The following PER2 variants were observed in gnomAD, a reference collection of about 807,000 sequenced individuals.
PER2 encodes the protein period circadian regulator 2.
In PER2, 66 loss-of-function variants were observed where a neutral mutation model predicts 121.0. The observed-to-expected ratio is 0.55, with a 90% CI of 0.45 to 0.67. The LOEUF (loss-of-function observed/expected upper bound fraction) is 0.67, where lower values mean the gene tolerates loss of function less well. Ranked by LOEUF, PER2 falls within the 30% of genes least tolerant of loss-of-function variation. The pLI, the probability that PER2 is intolerant of heterozygous loss-of-function variation, is 0.00. For missense variants in PER2, 1,521 were observed against 1,635.0 expected, an observed-to-expected ratio of 0.93 and a Z score of 1.20; for synonymous variants, 684 against 659.9, an observed-to-expected ratio of 1.04 and a Z score of -0.56.
At chr2:238,270,546 CCT>C (rs1189756312) in intron 6 of PER2, among the ~76,000 whole-genome samples, 3 of 152,190 alleles carry the variant, frequency 2.0e-5, no homozygotes, top group African/African-American at 7.2e-5. Flanking sequence ...TGGAAAGGCC[CCT>C]GAGAATTCAC....
chr2:238,274,428 A>G (rs1696389703), intron 4 of PER2, among the ~76,000 whole-genome samples: 1 of 152,234 alleles, frequency 6.6e-6, no homozygotes, highest in Admixed American at 6.5e-5. Context: ...GCTGGGTCTC[A>G]TATGCTTTCA....
intron 3 of PER2, 64 bp downstream of exon 3, chr2:238,277,067 C>G: frequency 8.1e-7 from 1 of 1,230,116 alleles, no homozygotes; most frequent in Non-Finnish European, 1.2e-6. Flanking sequence ...AGAAAACTAA[C>G]CTCCAATAAG....
chr2:238,261,988 G>T, intron 11 of PER2, 151 bp from the exon 12 acceptor site: 1 of 737,728 alleles, frequency 1.4e-6, no homozygotes, highest in South Asian at 1.7e-5. Flanking sequence ...TCCCTACTCT[G>T]CTTGAATGAG....
At position 238,268,330 on chromosome 2, in the gene PER2, C is replaced by T; in HGVS notation, c.825-132G>A. The T allele has an allele frequency of 1.1e-6, 1 of 873,538 alleles. No homozygotes were observed. Among genetic ancestry groups the T allele is most frequent in the Non-Finnish European group, 1.8e-6 (1 of 541,840 alleles). 54.1% of individuals were successfully genotyped at this position (873,538 alleles called of 1,614,324 possible). A position where few individuals can be genotyped will look rare whatever the true frequency, so the allele number is the denominator to read the frequency against. On this transcript the variant is annotated intron_variant, in intron 7 of 22. Transcript: ENST00000254657. This position sits in a 1 kb window ranked among gnomAD's most constrained non-coding sequence, Gnocchi z 4.0. The stretch of plus-strand genomic sequence containing the variant: ...CCTCTGCTCTGCCTGAGGAGCTGGG[C>T]CTGCCCCCTGCCCTCTTCGGTCCCT...
intron 22 of PER2, 46 bp downstream of exon 22, chr2:238,249,016 C>T (rs372164419): frequency 2.2e-5 from 35 of 1,596,882 alleles, no homozygotes; most frequent in Non-Finnish European, 2.9e-5. Flanking sequence ...ATCCCCATCA[C>T]AGAGCCTTTT....
upstream of PER2, among the ~76,000 whole-genome samples, chr2:238,288,805 G>T (rs1289827258): frequency 6.6e-6 from 1 of 151,840 alleles, no homozygotes; most frequent in Non-Finnish European, 1.5e-5. Flanking sequence ...AGTGGAAAAC[G>T]TGACCGCGCG....
intron 16 of PER2, among the ~76,000 whole-genome samples, chr2:238,257,870 C>T (rs1262588650): frequency 2.0e-5 from 3 of 152,260 alleles, no homozygotes; most frequent in Non-Finnish European, 4.4e-5. Flanking sequence ...GCCATGTTAA[C>T]ATTCAGGCCA....
In PER2 at chr2:238,258,746, C is replaced by G. The variant is rs539304953; in HGVS notation, c.1628-102G>C. 2.2e-5 allele frequency: 26 copies of G among 1,184,030 alleles called. No individual in the cohort carries two copies. The East Asian group carries it at 6.2e-4, about 28-fold the overall frequency. 73.3% of individuals were successfully genotyped at this position (1,184,030 alleles called of 1,614,324 possible). A position where few individuals can be genotyped will look rare whatever the true frequency, so the allele number is the denominator to read the frequency against. On this transcript the variant is annotated intron_variant, in intron 14 of 22. Coordinates refer to ENST00000254657, the MANE Select transcript of PER2 (RefSeq NM_022817.3). Reference sequence around the variant, plus strand: ...TTCTACCTGAAGACAGGGCTGGGGACTCAGAATCTGCTTCATGAGTATGGA... The same window carrying G: ...TTCTACCTGAAGACAGGGCTGGGGAGTCAGAATCTGCTTCATGAGTATGGA...
Position 238,273,741 on chromosome 2 carries a change from C to T in PER2, c.449-550G>A, listed in dbSNP as rs866564812. 2.6e-5 allele frequency among the ~76,000 whole-genome samples: 4 copies of T among 152,268 alleles called. 1 individual carries two copies. The South Asian group carries it at 8.3e-4, about 32-fold the overall frequency. The stretch of plus-strand genomic sequence containing the variant: ...AGTGCAGTGGCACGATCTCAGCTCA[C>T]GGCAACCTCCACCTCCCAGGGGTTC... On this transcript the variant is annotated intron_variant, in intron 4 of 22. Coordinates refer to ENST00000254657, the MANE Select transcript of PER2 (RefSeq NM_022817.3).
At chr2:238,277,465 C>T (rs569778844) in intron 2 of PER2, among the ~76,000 whole-genome samples, 1 of 152,346 alleles carries the variant, frequency 6.6e-6, no homozygotes, top group Admixed American at 6.5e-5. Flanking sequence ...TTACCCACCA[C>T]TGCTACCTCC....
chr2:238,266,192 T>C (rs62194938), intron 8 of PER2, among the ~76,000 whole-genome samples: 6,011 of 152,120 alleles, frequency 0.04, 180 homozygotes, highest in African/African-American at 0.072. Flanking sequence ...CGTGAGCCAC[T>C]GCGCCCGGCC....
rs1198016874 is a variant in PER2, at chr2:238,257,061, G to C, written c.1926C>G (p.Asn642Lys). Residue 642 changes from asparagine (N) to lysine (K), a missense_variant, in exon 17 of 23, where the codon AAC becomes AAG. Coordinates refer to ENST00000254657, the MANE Select transcript of PER2 (RefSeq NM_022817.3). Reference sequence around the variant, plus strand: ...GGTGCGTACCTACTCCCGTGCGGCTGTTCACCCTGGAGGGCGGCTCTGCCT... The same window carrying C: ...GGTGCGTACCTACTCCCGTGCGGCTCTTCACCCTGGAGGGCGGCTCTGCCT... Reference protein sequence around the residue: ...AGEAEPPSRVNSRTGVGTHLT... With the variant: ...AGEAEPPSRVKSRTGVGTHLT... The C allele has an allele frequency of 1.2e-6, 2 of 1,612,842 alleles. No homozygotes were observed. Among genetic ancestry groups the C allele is most frequent in the African/African-American group, 2.7e-5 (2 of 74,940 alleles).
At chr2:238,290,745 A>T (rs150959354), upstream of PER2, among the ~76,000 whole-genome samples, 1 of 152,256 alleles carries the variant, frequency 6.6e-6, no homozygotes, top group East Asian at 1.9e-4. Context: ...ATGCAAAAAT[A>T]CATCTCACTG....
chr2:238,253,342 G>A lies in PER2; in HGVS notation c.2681C>T (p.Pro894Leu). The change falls in exon 19 of 23, where the codon CCA becomes CTA. Residue 894 changes from proline (P) to leucine (L), a missense_variant. Coordinates refer to ENST00000254657, the MANE Select transcript of PER2 (RefSeq NM_022817.3). The surrounding 1 kb of genome is among the most constrained non-coding windows in gnomAD (Gnocchi z 5.6). ...DLQHQFAVQPPPFPAPLAPVM... is the reference protein window; with the variant it reads ...DLQHQFAVQPLPFPAPLAPVM... ...AGGCGCCAAAGGGGCAGGGAAAGGT[G>A]GGGGCTGGACTGCAAACTGGTGCTG... 1 of 1,613,824 alleles carries A rather than the reference G, an allele frequency of 6.2e-7. No individual in the cohort carries two copies. Among genetic ancestry groups the A allele is most frequent in the South Asian group, 1.1e-5 (1 of 91,024 alleles).
chr2:238,292,548 C>T (rs963036356), upstream of PER2, among the ~76,000 whole-genome samples: 10 of 152,106 alleles, frequency 6.6e-5, no homozygotes, highest in Non-Finnish European at 1.3e-4. Flanking sequence ...ATCCTTGGCC[C>T]GTTCCACCCT....
chr2:238,248,564 T>C (rs1695507503), intron 22 of PER2, among the ~76,000 whole-genome samples: 1 of 152,204 alleles, frequency 6.6e-6, no homozygotes, highest in Non-Finnish European at 1.5e-5. Context: ...TTTCAGCCTT[T>C]TTGGAAACAA....
Position 238,267,997 on chromosome 2 carries a change from G to C in PER2, c.967+59C>G, listed in dbSNP as rs199883512. On this transcript the variant is annotated intron_variant, in intron 8 of 22. Coordinates refer to ENST00000254657, the MANE Select transcript of PER2 (RefSeq NM_022817.3). ...GTACAGATGTTATGTGTGAACCACA[G>C]GAGTAACTGAGGGGGAGCCAGAGAC... 4.0e-4 allele frequency: 631 copies of C among 1,590,692 alleles called. 1 individual carries two copies. Among genetic ancestry groups the C allele is most frequent in the Middle Eastern group, 8.3e-4 (5 of 6,028 alleles).
At position 238,257,071 on chromosome 2, in the gene PER2, G is replaced by T. The variant is rs1695785986; in HGVS notation, c.1916C>A (p.Ser639Tyr). ...GPHAGEAEPPSRVNSRTGVGT... is the reference protein window; with the variant it reads ...GPHAGEAEPPYRVNSRTGVGT... ...TACTCCCGTGCGGCTGTTCACCCTG[G>T]AGGGCGGCTCTGCCTCTTCATGAGA... The change falls in exon 17 of 23, where the codon TCC becomes TAC. Residue 639 changes from serine to tyrosine, a missense_variant. Ser to Tyr is a moderately radical substitution (Grantham distance 144). Transcript: ENST00000254657. The T allele has an allele frequency of 6.2e-7, 1 of 1,612,482 alleles. No homozygotes were observed. The highest frequency in any genetic ancestry group is 8.5e-7 in the Non-Finnish European group (1 of 1,179,926).
At position 238,260,851 on chromosome 2, in the gene PER2, C is replaced by T. The variant is rs769778637; in HGVS notation, c.1519G>A (p.Glu507Lys). The T allele has an allele frequency of 1.9e-6, 3 of 1,614,150 alleles. No individual in the cohort carries two copies. In the East Asian group the frequency reaches 6.7e-5, roughly 36 times the overall value. ...ACGGCTCTCCTCCGGCGTGAGTCCT[C>T]ATGGCCGTTGCTGTCGCTGGAGGAG... ...QTSSSDSNGHEDSRRRRAEIC... is the reference protein window; with the variant it reads ...QTSSSDSNGHKDSRRRRAEIC... Residue 507 changes from glutamate (E) to lysine (K), a missense_variant, in exon 13 of 23, where the codon GAG becomes AAG. Transcript: ENST00000254657.
Sources: gnomAD v4.1 joint callset for allele counts (sites outside exome capture counted in the v4.1 genomes callset) on GRCh38, gnomAD v4.1.1 for gene constraint, Gnocchi (gnomAD v3.1) non-coding constraint, MANE v1.5 for transcripts, NCBI Gene and HGNC (gene_info 2026-07-23, HGNC 2026-07-21) for gene names.